The following ACOD1 variants were observed in gnomAD, a reference collection of about 807,000 sequenced individuals.
ACOD1 encodes the protein cis-aconitate decarboxylase.
Under a neutral mutation model 14.2 loss-of-function variants are expected in ACOD1, and 14 were observed. The ratio of observed to expected loss-of-function variants is 0.99; its 90% confidence interval spans 0.65 to 1.54. The LOEUF (loss-of-function observed/expected upper bound fraction) is 1.54, where lower values mean the gene tolerates loss of function less well. Among genes scored for constraint, ACOD1 ranks in the 40% most tolerant of loss-of-function variants. ACOD1 has a pLI of 0.00. For synonymous variants in ACOD1, 182 were observed against 221.7 expected (o/e 0.82, Z 1.59); for missense variants, 530 against 586.3 (o/e 0.90, Z 0.99).
chr13:76,956,422 G>T (rs920349225), intron 4 of ACOD1, among the ~76,000 whole-genome samples: 1 of 151,872 alleles, frequency 6.6e-6, no homozygotes, highest in African/African-American at 2.4e-5. Flanking sequence ...GGATGGTCTC[G>T]AGCTCTTGAC....
chr13:76,957,201 CT>C lies in ACOD1; in HGVS notation c.663del (p.Ala222HisfsTer36), dbSNP rs1339649070. 6.4e-7 allele frequency: 1 copy of C among 1,550,638 alleles called. No homozygotes were observed. The highest frequency in any genetic ancestry group is 2.0e-5 in the Admixed American group (1 of 51,008). On this transcript the variant is annotated frameshift_variant, in exon 5 of 5. Transcript: ENST00000377462. LOFTEE classifies it low-confidence loss of function (END_TRUNC). Reference protein sequence around the residue: ...IGNAAKHGIEAAFLAMLGLQG... With the variant: ...IGNAAKHGIEXAFLAMLGLQG... ...AATGCTGCCAAGCATGGGATAGAAG[CT>C]GCATTTTTGGCAATGTTGGGTCTCC...
intron 2 of ACOD1, among the ~76,000 whole-genome samples, chr13:76,952,939 C>G (rs1196340254): frequency 6.6e-6 from 1 of 152,100 alleles, no homozygotes; most frequent in African/African-American, 2.4e-5. Flanking sequence ...TTGAGACCAG[C>G]CTTGGCAACA....
intron 3 of ACOD1, among the ~76,000 whole-genome samples, chr13:76,953,996 A>G (rs1265654043): frequency 1.3e-5 from 2 of 152,232 alleles, no homozygotes; most frequent in Admixed American, 6.5e-5. Context: ...ACCCATATCC[A>G]GACCTAATAT....
In ACOD1 at chr13:76,955,453, T is replaced by C. The variant is rs1402933402; in HGVS notation, c.399T>C (p.Ala133=). ...TTTCTGGCCTTGACCTGCTGCTGGC[T>C]TTCAATGTTGGTATTGAAGTGCAAG... is the stretch of plus-strand genomic sequence containing the variant. The part of the protein sequence containing the change: ...PKFSGLDLLL[A]FNVGIEVQGR... The change falls in exon 4 of 5, where the codon GCT becomes GCC. Residue 133 remains alanine (A), a synonymous_variant. Transcript: ENST00000377462. The C allele has an allele frequency of 1.3e-6, 2 of 1,550,700 alleles. No homozygotes were observed. Among genetic ancestry groups the C allele is most frequent in the Admixed American group, 3.9e-5 (2 of 51,008 alleles).
At chr13:76,953,784 C>T in intron 3 of ACOD1, 95 bp downstream of exon 3, 1 of 781,486 alleles carries the variant, frequency 1.3e-6, no homozygotes, top group Non-Finnish European at 2.2e-6. Context: ...CTATATTTTA[C>T]AGATGAAAGA....
At position 76,957,614 on chromosome 13, in the gene ACOD1, A is replaced by G. The variant is rs2033892847; in HGVS notation, c.1075A>G (p.Arg359Gly). ...CTCATTCCATGAATGCCAGATCAAC[A>G]GGCCACAGGTGAGAGAGCTGCTCAG... ...VPSFHECQIN[R>G]PQVRELLSKV... is the part of the protein sequence containing the mutation. The change falls in exon 5 of 5, where the codon AGG (arginine) becomes GGG (glycine). Residue 359 changes from arginine (R) to glycine (G), a missense_variant. By Grantham distance (125) the Arg-to-Gly change is moderately radical (BLOSUM62 -2). Transcript: ENST00000377462. 4 of 1,550,526 alleles carry G rather than the reference A, an allele frequency of 2.6e-6. No individual in the cohort carries two copies. In the Admixed American group the frequency reaches 7.8e-5, roughly 30 times the overall value.
At position 76,953,655 on chromosome 13, in the gene ACOD1, C is replaced by T. The variant is rs2033844839; in HGVS notation, c.230C>T (p.Pro77Leu). The T allele has an allele frequency of 5.2e-6, 8 of 1,549,276 alleles. No homozygotes were observed. The East Asian group carries it at 7.3e-5, about 14-fold the overall frequency. The change falls in exon 3 of 5, where the codon CCG becomes CTG. Residue 77 changes from proline to leucine, a missense_variant. Coordinates refer to ENST00000377462, the MANE Select transcript of ACOD1 (RefSeq NM_001258406.2). Reference protein sequence around the residue: ...TVWGQPDIRLPPTYAAFVNGV... With the variant: ...TVWGQPDIRLLPTYAAFVNGV... ...TGGGGTCAGCCAGACATCAGGCTCCCGCCCACATATGCTGCTTTTGTGAAC... is the reference window on the plus strand; with the variant it reads ...TGGGGTCAGCCAGACATCAGGCTCCTGCCCACATATGCTGCTTTTGTGAAC...
intron 1 of ACOD1, among the ~76,000 whole-genome samples, chr13:76,948,819 T>C (rs1272072544): frequency 6.6e-6 from 1 of 152,248 alleles, no homozygotes; most frequent in African/African-American, 2.4e-5. Context: ...TTTAACCCCC[T>C]AGTTTTATGT....
intron 4 of ACOD1, among the ~76,000 whole-genome samples, chr13:76,955,746 C>T (rs779426013): frequency 2.6e-5 from 4 of 152,192 alleles, no homozygotes; most frequent in Non-Finnish European, 4.4e-5. Context: ...TTGGGCCTCT[C>T]GTTGCAAGGT....
Position 76,957,626 on chromosome 13 carries a change from A to T in ACOD1, c.1087A>T (p.Arg363Ter). ...HECQINRPQV[R>*]ELLSKVELEY... ...ATGCCAGATCAACAGGCCACAGGTG[A>T]GAGAGCTGCTCAGTAAGGTGGAGCT... Residue 363 changes from arginine to a stop codon, truncating the protein, a stop_gained, in exon 5 of 5, where the codon AGA becomes TGA. Transcript: ENST00000377462. LOFTEE classifies it low-confidence loss of function (END_TRUNC). 1 of 1,550,634 alleles carries T rather than the reference A, an allele frequency of 6.4e-7. No individual in the cohort carries two copies. Among genetic ancestry groups the T allele is most frequent in the Non-Finnish European group, 8.7e-7 (1 of 1,147,012 alleles).
At position 76,954,447 on chromosome 13, in the gene ACOD1, G is replaced by T. The variant is rs979492575; in HGVS notation, c.264+758G>T. ...AAATGGCTAGGAGAAAGAGGAATAA[G>T]ATCTTAAAGCAGAAAATAATGATTT... On this transcript the variant is annotated intron_variant, in intron 3 of 4. Coordinates refer to ENST00000377462, the MANE Select transcript of ACOD1 (RefSeq NM_001258406.2). Among the ~76,000 whole-genome samples, 13 of 152,274 alleles carry T rather than the reference G, an allele frequency of 8.5e-5. No homozygotes were observed. In the East Asian group the frequency reaches 2.5e-3, roughly 29 times the overall value.
At chr13:76,954,023 T>A (rs2033848428) in intron 3 of ACOD1, among the ~76,000 whole-genome samples, 1 of 152,222 alleles carries the variant, frequency 6.6e-6, no homozygotes, top group South Asian at 2.1e-4. Context: ...TTTTTCCTGT[T>A]GTGGGGCCAG....
At position 76,958,171 on chromosome 13, in the gene ACOD1, A is replaced by G. The variant is rs2033900055; in HGVS notation, c.*186A>G. On this transcript the variant is annotated 3_prime_UTR_variant, in exon 5 of 5. Transcript: ENST00000377462. ...TTTGCAGGACAGTTCCACTTACCTAAATCAAGATGAAACACACACACAAAA... is the reference window on the plus strand; with the variant it reads ...TTTGCAGGACAGTTCCACTTACCTAGATCAAGATGAAACACACACACAAAA... 3.8e-6 allele frequency: 2 copies of G among 521,666 alleles called. No individual in the cohort carries two copies. Among genetic ancestry groups the G allele is most frequent in the African/African-American group, 3.8e-5 (2 of 51,986 alleles). The allele number at this position is 521,666 out of a possible 1,614,324, so 32.3% of individuals were successfully genotyped here. A position where few individuals can be genotyped will look rare whatever the true frequency, so the allele number is the denominator to read the frequency against.
chr13:76,951,083 G>C (rs1007400969), intron 1 of ACOD1, among the ~76,000 whole-genome samples: 2 of 152,102 alleles, frequency 1.3e-5, no homozygotes, highest in African/African-American at 4.8e-5. Context: ...TCCACCAACA[G>C]GGAAGAGCAG....
chr13:76,949,735 G>C (rs565503113), intron 1 of ACOD1, among the ~76,000 whole-genome samples: 23 of 152,286 alleles, frequency 1.5e-4, no homozygotes, highest in South Asian at 1.0e-3. Context: ...GGGTTTGTGG[G>C]GGTGAGAAGA....
In ACOD1 at chr13:76,955,331, G is replaced by A. The variant is rs986638021; in HGVS notation, c.277G>A (p.Asp93Asn). ...FVNGVAIHSM[D>N]FDDTWHPATH... is the part of the protein sequence containing the mutation. ...TCTGTTTATACAGATTCACTCCATG[G>A]ATTTTGATGACACGTGGCACCCTGC... Residue 93 changes from aspartate (D) to asparagine (N), a missense_variant, in exon 4 of 5, where the codon GAT becomes AAT. Asp to Asn is a conservative substitution (Grantham distance 23). Coordinates refer to ENST00000377462, the MANE Select transcript of ACOD1 (RefSeq NM_001258406.2). The A allele has an allele frequency of 3.2e-6, 5 of 1,550,158 alleles. No homozygotes were observed. Among genetic ancestry groups the A allele is most frequent in the Non-Finnish European group, 4.4e-6 (5 of 1,146,932 alleles).
At chr13:76,955,126 C>CAAAA (rs34230053) in intron 3 of ACOD1, among the ~76,000 whole-genome samples, 193 bp from the exon 4 acceptor site, 2 of 98,874 alleles carry the variant, frequency 2.0e-5, no homozygotes, top group African/African-American at 4.8e-5. Context: ...GACTCTGTCT[C>CAAAA]AAAAAAAAAA....
chr13:76,956,575 T>C (rs1366552104), intron 4 of ACOD1, among the ~76,000 whole-genome samples: 2 of 152,022 alleles, frequency 1.3e-5, no homozygotes, highest in Non-Finnish European at 2.9e-5. Flanking sequence ...TGCAGCAGCA[T>C]GATCTCAGCT....
Position 76,958,052 on chromosome 13 carries a change from TCTGCTGC to T in ACOD1, c.*68_*74del. 1 of 1,389,756 alleles carries T rather than the reference TCTGCTGC, an allele frequency of 7.2e-7. No homozygotes were observed. Among genetic ancestry groups the T allele is most frequent in the South Asian group, 1.5e-5 (1 of 65,042 alleles). The allele number at this position is 1,389,756 out of a possible 1,614,324, so 86.1% of individuals were successfully genotyped here. On this transcript the variant is annotated 3_prime_UTR_variant, in exon 5 of 5. Coordinates refer to ENST00000377462, the MANE Select transcript of ACOD1 (RefSeq NM_001258406.2). ...AATGATTTGGTTTGTAAAGCAAGGG[TCTGCTGC>T]TTGGTTTTCCCAGGAAAAATGAACA...
Sources: allele counts gnomAD v4.1 joint callset (sites outside exome capture counted in the v4.1 genomes callset), GRCh38; gene constraint gnomAD v4.1.1; transcripts MANE v1.5; gene names NCBI Gene and HGNC (gene_info 2026-07-23, HGNC 2026-07-21).